IL1RAPL2: variants seen among roughly 807,000 people sequenced by gnomAD.
IL1RAPL2 encodes the protein interleukin 1 receptor accessory protein like 2.
IL1RAPL2 carries 3 observed loss-of-function variants against 44.1 expected under a neutral mutation model. The observed-to-expected ratio is 0.07, with a 90% confidence interval of 0.03 to 0.18. The LOEUF is 0.18. Ranked by LOEUF, IL1RAPL2 falls within the 10% of genes least tolerant of loss-of-function variation. IL1RAPL2 has a pLI of 1.00. For missense variants in IL1RAPL2, 391 were observed against 496.4 expected (o/e 0.79, Z 2.02); for synonymous variants, 181 against 178.8 (o/e 1.01, Z -0.10).
At chrX:105,188,848 A>G (rs962092179) in intron 2 of IL1RAPL2, among the ~76,000 whole-genome samples, 15 of 112,114 alleles carry the variant, frequency 1.3e-4, no homozygotes, top group African/African-American at 4.9e-4. Flanking sequence ...AAAAATCAGT[A>G]TTTTTTTCCA....
At chrX:105,726,431 T>G (rs191361956) in intron 7 of IL1RAPL2, among the ~76,000 whole-genome samples, 19 of 111,467 alleles carry the variant, frequency 1.7e-4, no homozygotes, top group African/African-American at 6.2e-4. Flanking sequence ...AGATTTAGAC[T>G]ATAAAAAGTC....
intron 2 of IL1RAPL2, among the ~76,000 whole-genome samples, chrX:105,050,575 T>C (rs756731554): frequency 4.0e-4 from 45 of 112,093 alleles, no homozygotes; most frequent in South Asian, 7.4e-4. Flanking sequence ...CATAGATGTT[T>C]ACACATTTTT....
chrX:104,905,852 T>G (rs1360914091), intron 2 of IL1RAPL2, among the ~76,000 whole-genome samples: 5 of 110,920 alleles, frequency 4.5e-5, no homozygotes, highest in African/African-American at 1.6e-4. Flanking sequence ...AAGTCATTGG[T>G]AGCTTGATGG....
chrX:104,587,978 GA>G (rs1446482683), intron 1 of IL1RAPL2, among the ~76,000 whole-genome samples: 3 of 111,450 alleles, frequency 2.7e-5, no homozygotes, highest in African/African-American at 9.8e-5. Flanking sequence ...TGTTTTAGTG[GA>G]AAAATGTTTT....
intron 6 of IL1RAPL2, among the ~76,000 whole-genome samples, chrX:105,691,349 G>A (rs2038034277): frequency 9.0e-6 from 1 of 110,515 alleles, no homozygotes; most frequent in African/African-American, 3.3e-5. Context: ...AATTGAACTT[G>A]AGCTTAAAAT....
intron 6 of IL1RAPL2, among the ~76,000 whole-genome samples, chrX:105,531,942 C>A (rs974656800): frequency 9.0e-6 from 1 of 111,408 alleles, no homozygotes; most frequent in Non-Finnish European, 1.9e-5. Context: ...CAGTACCATG[C>A]TGTTTGGGTG....
chrX:104,581,793 T>A (rs1386674741), intron 1 of IL1RAPL2, among the ~76,000 whole-genome samples: 1 of 111,497 alleles, frequency 9.0e-6, no homozygotes, highest in Non-Finnish European at 1.9e-5. Flanking sequence ...CCTCCCAAAG[T>A]GCTGGGATTA....
intron 1 of IL1RAPL2, among the ~76,000 whole-genome samples, chrX:104,568,953 G>C (rs1300713521): frequency 8.9e-6 from 1 of 111,855 alleles, no homozygotes; most frequent in Non-Finnish European, 1.9e-5. Flanking sequence ...GCTGCCCTGG[G>C]GTAGACAGCC....
At chrX:105,655,581 AT>A (rs953699129) in intron 6 of IL1RAPL2, among the ~76,000 whole-genome samples, 21 of 112,445 alleles carry the variant, frequency 1.9e-4, no homozygotes, top group Middle Eastern at 4.6e-3. Context: ...AGTAAAACAC[AT>A]TTTTGATGAA....
intron 5 of IL1RAPL2, among the ~76,000 whole-genome samples, chrX:105,396,320 C>T (rs1569434596): frequency 9.4e-6 from 1 of 106,588 alleles, no homozygotes; most frequent in Non-Finnish European, 1.9e-5. Flanking sequence ...CCCTTCCCTC[C>T]TTCCTTTTTT....
chrX:105,599,298 T>C (rs1208501494), intron 6 of IL1RAPL2, among the ~76,000 whole-genome samples: 1 of 111,951 alleles, frequency 8.9e-6, no homozygotes, highest in Non-Finnish European at 1.9e-5. Flanking sequence ...CATATTATCA[T>C]TGGGAGTAAG....
intron 2 of IL1RAPL2, among the ~76,000 whole-genome samples, chrX:104,946,560 C>G (rs1280714733): frequency 1.8e-5 from 1 of 54,810 alleles, no homozygotes; most frequent in Non-Finnish European, 3.1e-5. Flanking sequence ...TGCTATCCCT[C>G]CCCCCTCCCC....
At chrX:105,615,772 G>A (rs1268664694) in intron 6 of IL1RAPL2, among the ~76,000 whole-genome samples, 1 of 111,765 alleles carries the variant, frequency 8.9e-6, no homozygotes, top group Non-Finnish European at 1.9e-5. Context: ...TAGCACAACA[G>A]GGTGACTGTA....
chrX:104,776,648 GT>G (rs1932723997), intron 2 of IL1RAPL2, among the ~76,000 whole-genome samples: 1 of 111,732 alleles, frequency 8.9e-6, no homozygotes, highest in African/African-American at 3.3e-5. Context: ...TGTAATTGGA[GT>G]TTGTTTTAAA....
chrX:105,230,854 T>A (rs1341161410), intron 3 of IL1RAPL2, among the ~76,000 whole-genome samples: 3 of 111,608 alleles, frequency 2.7e-5, no homozygotes, highest in African/African-American at 9.8e-5. Context: ...CTAGTGAGGC[T>A]TAGTTTAAAG....
chrX:105,024,959 G>A (rs2031343114), intron 2 of IL1RAPL2, among the ~76,000 whole-genome samples: 1 of 104,326 alleles, frequency 9.6e-6, no homozygotes. Context: ...CATTTTCTAT[G>A]CCTACTTATA....
At chrX:105,659,776 G>A (rs183467573) in intron 6 of IL1RAPL2, among the ~76,000 whole-genome samples, 121 of 110,020 alleles carry the variant, frequency 1.1e-3, no homozygotes, top group African/African-American at 3.8e-3. Context: ...AGCTGATCAA[G>A]CAGAAGAAAG....
At chrX:105,212,466 G>T (rs1385629388) in intron 3 of IL1RAPL2, among the ~76,000 whole-genome samples, 1 of 111,716 alleles carries the variant, frequency 9.0e-6, no homozygotes, top group Non-Finnish European at 1.9e-5. Context: ...CCCTGTCAGG[G>T]ACTTACAGAC....
intron 6 of IL1RAPL2, among the ~76,000 whole-genome samples, chrX:105,658,186 C>T (rs1486200120): frequency 9.0e-6 from 1 of 110,846 alleles, no homozygotes; most frequent in Non-Finnish European, 1.9e-5. Flanking sequence ...ATTAACTCGC[C>T]CCTCCTCCAG....
Sources: gnomAD v4.1 joint callset for allele counts (sites outside exome capture counted in the v4.1 genomes callset) on GRCh38, gnomAD v4.1.1 for gene constraint, MANE v1.5 for transcripts, NCBI Gene and HGNC (gene_info 2026-07-23, HGNC 2026-07-21) for gene names.